PPP1R16B: variants seen among roughly 807,000 people sequenced by gnomAD.
PPP1R16B encodes protein phosphatase 1 regulatory subunit 16B, also known as protein phosphatase 1 regulatory inhibitor subunit 16B.
Under a neutral mutation model 61.7 loss-of-function variants are expected in PPP1R16B, and 14 were observed. That is an observed-to-expected ratio of 0.23 (90% confidence interval 0.15 to 0.35). The LOEUF (loss-of-function observed/expected upper bound fraction) is 0.35, where lower values mean the gene tolerates loss of function less well. Among genes scored for constraint, PPP1R16B ranks in the 10% least tolerant of loss-of-function variants. The pLI is 1.00. For missense variants in PPP1R16B, 547 were observed against 752.5 expected (o/e 0.73, Z 3.19); for synonymous variants, 266 against 305.3 (o/e 0.87, Z 1.34).
At chr20:38,858,353 C>G (rs891470399) in intron 2 of PPP1R16B, among the ~76,000 whole-genome samples, 1 of 151,818 alleles carries the variant, frequency 6.6e-6, no homozygotes, top group Admixed American at 6.6e-5. Context: ...GAATTTGTGT[C>G]CTGGGTGGAC....
intron 1 of PPP1R16B, among the ~76,000 whole-genome samples, chr20:38,828,268 T>C (rs1466791283): frequency 6.6e-6 from 1 of 152,150 alleles, no homozygotes; most frequent in Non-Finnish European, 1.5e-5. Flanking sequence ...CTTCCTACCC[T>C]TCCTCAAAGC....
intron 3 of PPP1R16B, among the ~76,000 whole-genome samples, chr20:38,893,395 A>G (rs776334304): frequency 6.6e-6 from 1 of 152,134 alleles, no homozygotes; most frequent in Non-Finnish European, 1.5e-5. Flanking sequence ...GAGGTTTGTA[A>G]ACGGAGAGCA....
chr20:38,914,965 G>A (rs2145786611), intron 10 of PPP1R16B, among the ~76,000 whole-genome samples: 1 of 152,242 alleles, frequency 6.6e-6, no homozygotes, highest in Non-Finnish European at 1.5e-5. Context: ...ACTGCACCCA[G>A]CAGGGATTTT....
intron 2 of PPP1R16B, among the ~76,000 whole-genome samples, chr20:38,867,608 G>A (rs563598270): frequency 1.3e-5 from 2 of 152,332 alleles, no homozygotes; most frequent in South Asian, 2.1e-4. Context: ...TCCAAAATAT[G>A]TTAGTTGTCC....
chr20:38,850,317 G>A (rs2084960126), intron 2 of PPP1R16B, among the ~76,000 whole-genome samples: 1 of 152,042 alleles, frequency 6.6e-6, no homozygotes, highest in Non-Finnish European at 1.5e-5. Flanking sequence ...CCAAACACAT[G>A]GACTGACACT....
At chr20:38,850,967 CAAA>C (rs11381856) in intron 2 of PPP1R16B, among the ~76,000 whole-genome samples, 1 of 136,690 alleles carries the variant, frequency 7.3e-6, no homozygotes, top group Admixed American at 7.3e-5. Flanking sequence ...GACTCCATCT[CAAA>C]AAAAAAAAAA....
chr20:38,807,754 TAACA>T (rs1776081921), intron 1 of PPP1R16B, among the ~76,000 whole-genome samples: 1 of 152,182 alleles, frequency 6.6e-6, no homozygotes, highest in African/African-American at 2.4e-5. Flanking sequence ...GGGGTCTACC[TAACA>T]GTGTTCCCCT....
intron 2 of PPP1R16B, among the ~76,000 whole-genome samples, chr20:38,868,871 T>G (rs1450310276): frequency 6.6e-6 from 1 of 152,238 alleles, no homozygotes; most frequent in Non-Finnish European, 1.5e-5. Flanking sequence ...AAAATTATAA[T>G]ATTTTGGACA....
chr20:38,845,697 G>T (rs2084932146), intron 2 of PPP1R16B, among the ~76,000 whole-genome samples: 1 of 152,244 alleles, frequency 6.6e-6, no homozygotes, highest in Admixed American at 6.5e-5. Context: ...AGAGTAGGGG[G>T]AGGAGGTGGT....
chr20:38,907,717 T>C lies in PPP1R16B; in HGVS notation c.899-89T>C, dbSNP rs557570717. On this transcript the variant is annotated intron_variant, in intron 8 of 10. Transcript: ENST00000299824. This position sits in a 1 kb window ranked among gnomAD's most constrained non-coding sequence, Gnocchi z 4.5. Reference sequence around the variant, plus strand: ...AAAGATGCTTGGAGTTTTCAGTGGGTTGGGGTGGCAGCTCCTCTGGTCTGG... The same window carrying C: ...AAAGATGCTTGGAGTTTTCAGTGGGCTGGGGTGGCAGCTCCTCTGGTCTGG... The C allele has an allele frequency of 4.0e-6, 6 of 1,497,974 alleles. No homozygotes were observed. The South Asian group carries it at 7.3e-5, about 18-fold the overall frequency. The allele number at this position is 1,497,974 out of a possible 1,614,324, so 92.8% of individuals were successfully genotyped here. A position where few individuals can be genotyped will look rare whatever the true frequency, so the allele number is the denominator to read the frequency against.
Position 38,921,633 on chromosome 20 carries a change from GT to G in PPP1R16B, c.*2968del, listed in dbSNP as rs2085599274. ...TGGGTTCCAGGCAGACATCATCCAG[GT>G]CCATCTGGAACTTTCAGTGATAGCT... is the stretch of plus-strand genomic sequence containing the variant. On this transcript the variant is annotated 3_prime_UTR_variant, in exon 11 of 11. Transcript: ENST00000299824. The G allele has an allele frequency of 6.6e-6, 1 of 152,228 alleles. No homozygotes were observed. Among genetic ancestry groups the G allele is most frequent in the Non-Finnish European group, 1.5e-5 (1 of 68,052 alleles). 9.4% of individuals were successfully genotyped at this position (152,228 alleles called of 1,614,324 possible).
Position 38,907,960 on chromosome 20 carries a change from G to A in PPP1R16B, c.1028+25G>A. On this transcript the variant is annotated intron_variant, in intron 9 of 10. Coordinates refer to ENST00000299824, the MANE Select transcript of PPP1R16B (RefSeq NM_015568.4). The surrounding 1 kb of genome is among the most constrained non-coding windows in gnomAD (Gnocchi z 4.5). ...GGTGAGTCCGGGGCAGGGCAGCCAG[G>A]AGTCCCTGTGTGTGCTCCTGCCTGT... The A allele has an allele frequency of 6.2e-7, 1 of 1,614,036 alleles. No individual in the cohort carries two copies. Among genetic ancestry groups the A allele is most frequent in the South Asian group, 1.1e-5 (1 of 91,062 alleles).
intron 1 of PPP1R16B, among the ~76,000 whole-genome samples, chr20:38,834,590 T>G (rs2084857344): frequency 6.6e-6 from 1 of 152,182 alleles, no homozygotes; most frequent in Non-Finnish European, 1.5e-5. Context: ...GTCCCAGTAG[T>G]TCAGCAGTTT....
At chr20:38,834,779 A>G (rs6071600) in intron 1 of PPP1R16B, among the ~76,000 whole-genome samples, 7,426 of 152,150 alleles carry the variant, frequency 0.049, 185 homozygotes, top group Non-Finnish European at 0.06. Context: ...TATTATAACA[A>G]TATAATAATC....
chr20:38,893,672 C>T (rs895583708), intron 3 of PPP1R16B, among the ~76,000 whole-genome samples: 1 of 152,068 alleles, frequency 6.6e-6, no homozygotes, highest in African/African-American at 2.4e-5. Flanking sequence ...CCCACTCCAC[C>T]AGCTACCACC....
intron 4 of PPP1R16B, among the ~76,000 whole-genome samples, 198 bp from the exon 5 acceptor site, chr20:38,900,383 C>G (rs752387485): frequency 4.6e-5 from 7 of 152,184 alleles, no homozygotes; most frequent in Non-Finnish European, 1.0e-4. Context: ...CCACCTGGGA[C>G]CCTGGGATCC....
chr20:38,890,736 A>C (rs1168470290), intron 3 of PPP1R16B, among the ~76,000 whole-genome samples: 1 of 152,220 alleles, frequency 6.6e-6, no homozygotes, highest in African/African-American at 2.4e-5. Flanking sequence ...GTGCATGTTG[A>C]ATTAATGCAT....
intron 1 of PPP1R16B, among the ~76,000 whole-genome samples, chr20:38,827,976 C>T (rs1423260615): frequency 2.0e-5 from 3 of 152,184 alleles, no homozygotes; most frequent in East Asian, 1.9e-4. Context: ...AAGGACCCAT[C>T]GCCTTCCTCC....
intron 1 of PPP1R16B, among the ~76,000 whole-genome samples, chr20:38,829,445 A>G (rs540927514): frequency 6.6e-6 from 1 of 152,272 alleles, no homozygotes; most frequent in Non-Finnish European, 1.5e-5. Context: ...CATGTATCCC[A>G]TTCTCTGCAG....
Sources: gnomAD v4.1 joint callset for allele counts (sites outside exome capture counted in the v4.1 genomes callset) on GRCh38, gnomAD v4.1.1 for gene constraint, Gnocchi (gnomAD v3.1) non-coding constraint, MANE v1.5 for transcripts, NCBI Gene and HGNC (gene_info 2026-07-23, HGNC 2026-07-21) for gene names.